TEAD1: variants seen among roughly 807,000 people sequenced by gnomAD.
TEAD1 encodes the protein transcriptional enhancer factor TEF-1.
TEAD1 carries 9 observed loss-of-function variants against 54.9 expected under a neutral mutation model. The observed-to-expected ratio is 0.16, with a 90% CI of 0.10 to 0.29. The LOEUF (loss-of-function observed/expected upper bound fraction) is 0.29, where lower values mean the gene tolerates loss of function less well. TEAD1 is among the 10% of genes least tolerant of loss of function. The pLI, the probability that TEAD1 is intolerant of heterozygous loss-of-function variation, is 1.00. For synonymous variants in TEAD1, 200 were observed against 187.8 expected (o/e 1.07, Z -0.53); for missense variants, 387 against 535.9 (o/e 0.72, Z 2.74).
At chr11:12,754,843 C>T (rs1008791830) in intron 2 of TEAD1, among the ~76,000 whole-genome samples, 3 of 152,182 alleles carry the variant, frequency 2.0e-5, no homozygotes, top group African/African-American at 7.2e-5. Flanking sequence ...TTGCTTCTCT[C>T]CCCAACCCCC....
intron 5 of TEAD1, chr11:12,879,415 A>G (rs1432030796): frequency 3.4e-6 from 2 of 595,876 alleles, no homozygotes; most frequent in African/African-American, 1.9e-5. Context: ...GAAGCTGACA[A>G]GCTAAATAAA....
At chr11:12,809,202 C>T (rs189039657) in intron 3 of TEAD1, among the ~76,000 whole-genome samples, 1 of 152,318 alleles carries the variant, frequency 6.6e-6, no homozygotes, top group East Asian at 1.9e-4. Context: ...GAAGGGAGAG[C>T]AGTGGACACT....
At chr11:12,685,319 G>A (rs186641870) in intron 2 of TEAD1, among the ~76,000 whole-genome samples, 106 of 152,288 alleles carry the variant, frequency 7.0e-4, no homozygotes, top group Non-Finnish European at 1.4e-3. Flanking sequence ...CAGTGGATGA[G>A]GGGAGAAAAT....
chr11:12,765,401 C>G (rs189599135), intron 3 of TEAD1, among the ~76,000 whole-genome samples: 3 of 152,358 alleles, frequency 2.0e-5, no homozygotes, highest in African/African-American at 7.2e-5. Context: ...AAGATGCAAA[C>G]ACAAATAACC....
chr11:12,831,249 CA>C (rs1946774192), intron 3 of TEAD1, among the ~76,000 whole-genome samples: 1 of 152,156 alleles, frequency 6.6e-6, no homozygotes, highest in Non-Finnish European at 1.5e-5. Context: ...GAGCCCATCT[CA>C]AATTTTGTTT....
chr11:12,788,287 G>A (rs550513693), intron 3 of TEAD1, among the ~76,000 whole-genome samples: 286 of 151,906 alleles, frequency 1.9e-3, no homozygotes, highest in African/African-American at 6.6e-3. Context: ...CAGAGCTACC[G>A]TGCCCAGCCT....
At chr11:12,830,434 G>C (rs1946749105) in intron 3 of TEAD1, among the ~76,000 whole-genome samples, 1 of 152,224 alleles carries the variant, frequency 6.6e-6, no homozygotes, top group Non-Finnish European at 1.5e-5. Context: ...TCTCCTACCA[G>C]CTCCTGAAGG....
chr11:12,782,784 T>G (rs1945585841), intron 3 of TEAD1, among the ~76,000 whole-genome samples: 1 of 152,086 alleles, frequency 6.6e-6, no homozygotes, highest in African/African-American at 2.4e-5. Flanking sequence ...GAAAGGAAAA[T>G]GCTGAGAGAG....
chr11:12,868,891 A>G (rs565994809), intron 5 of TEAD1, among the ~76,000 whole-genome samples: 2 of 152,324 alleles, frequency 1.3e-5, no homozygotes, highest in South Asian at 4.1e-4. Context: ...GGGGCTCTGC[A>G]GTAGAAATTA....
rs1026119011 is a variant in TEAD1 at position 12,938,701 on chromosome 11, A to G, written c.*1479A>G. ...TTGCCAGGAGAGATTCAACTTTCCA[A>G]TCTAAGTATTCCAGAGCATTGCCCA... On this transcript the variant is annotated 3_prime_UTR_variant, in exon 13 of 13. Transcript: ENST00000527636. 1.3e-5 allele frequency: 2 copies of G among 152,246 alleles called. No homozygotes were observed. The highest frequency in any genetic ancestry group is 2.9e-5 in the Non-Finnish European group (2 of 68,054). The allele number at this position is 152,246 out of a possible 1,614,324, so 9.4% of individuals were successfully genotyped here.
intron 3 of TEAD1, among the ~76,000 whole-genome samples, chr11:12,826,468 G>C (rs1024592656): frequency 2.0e-5 from 3 of 152,174 alleles, no homozygotes; most frequent in Non-Finnish European, 4.4e-5. Context: ...AAATAAAACA[G>C]TGTGACTAAG....
At chr11:12,850,609 A>T (rs1899068) in intron 3 of TEAD1, among the ~76,000 whole-genome samples, 79,044 of 152,020 alleles carry the variant, frequency 0.52, 21,922 homozygotes, top group East Asian at 0.76. Flanking sequence ...CACAGCTCAT[A>T]AGTCCAGTTT....
At chr11:12,907,528 C>T (rs1285762238) in intron 10 of TEAD1, among the ~76,000 whole-genome samples, 1 of 152,052 alleles carries the variant, frequency 6.6e-6, no homozygotes, top group Non-Finnish European at 1.5e-5. Context: ...TTTATTTACT[C>T]CTATGTGTTT....
chr11:12,796,742 T>C (rs1945935619), intron 3 of TEAD1, among the ~76,000 whole-genome samples: 1 of 151,524 alleles, frequency 6.6e-6, no homozygotes, highest in Non-Finnish European at 1.5e-5. Flanking sequence ...AAAAAAAATT[T>C]AGCAATTCTT....
At chr11:12,800,941 G>T (rs958875535) in intron 3 of TEAD1, among the ~76,000 whole-genome samples, 1 of 152,200 alleles carries the variant, frequency 6.6e-6, no homozygotes, top group African/African-American at 2.4e-5. Flanking sequence ...CACCATGCCT[G>T]GCACAGAATT....
intron 3 of TEAD1, among the ~76,000 whole-genome samples, chr11:12,815,958 T>C (rs1946406463): frequency 6.6e-6 from 1 of 152,244 alleles, no homozygotes. Context: ...AAATTACATG[T>C]TACAGCACTT....
chr11:12,920,512 C>G (rs1948785738), intron 10 of TEAD1, among the ~76,000 whole-genome samples: 1 of 152,120 alleles, frequency 6.6e-6, no homozygotes, highest in Non-Finnish European at 1.5e-5. Flanking sequence ...ACTGCTTTCC[C>G]CCATGCTTAG....
At chr11:12,899,719 CAGCTGCATCCATGTCAG>C (rs1403176253) in intron 9 of TEAD1, among the ~76,000 whole-genome samples, 1 of 152,216 alleles carries the variant, frequency 6.6e-6, no homozygotes, top group Non-Finnish European at 1.5e-5. Context: ...CTAGTCCATG[CAGCTGCATCCATGTCAG>C]AGCTTGATAG....
intron 3 of TEAD1, among the ~76,000 whole-genome samples, chr11:12,768,389 G>A (rs1945250283): frequency 1.3e-5 from 2 of 152,200 alleles, no homozygotes; most frequent in South Asian, 4.1e-4. Flanking sequence ...AGGTATGTAA[G>A]TGCTTATGAA....
Sources: allele counts gnomAD v4.1 joint callset (sites outside exome capture counted in the v4.1 genomes callset), GRCh38; gene constraint gnomAD v4.1.1; transcripts MANE v1.5; gene names NCBI Gene and HGNC (gene_info 2026-07-23, HGNC 2026-07-21).